Variants in CLVS1 observed in about 807,000 individuals in gnomAD.
CLVS1 encodes the protein clavesin-1.
In CLVS1, 10 loss-of-function variants were observed where a neutral mutation model predicts 33.1. That is an observed-to-expected ratio of 0.30 (90% CI 0.19 to 0.51). CLVS1 has a LOEUF of 0.51. Ranked by LOEUF, CLVS1 falls within the 20% of genes least tolerant of loss-of-function variation. CLVS1 has a pLI of 0.97. For missense variants in CLVS1, 343 were observed against 433.4 expected (o/e 0.79, Z 1.85); for synonymous variants, 163 against 166.1 (o/e 0.98, Z 0.14).
At chr8:60,975,011 G>A in the CLVS1 span, among the ~76,000 whole-genome samples, 1 of 152,078 alleles carries the variant, frequency 6.6e-6, no homozygotes, top group African/African-American at 2.4e-5. Context: ...TTTGAGAAAA[G>A]CTCCCTCGAT....
chr8:61,164,895 G>A (rs1225527369), intron 2 of CLVS1, among the ~76,000 whole-genome samples: 3 of 152,206 alleles, frequency 2.0e-5, no homozygotes, highest in South Asian at 4.2e-4. Flanking sequence ...CCAGTCATTG[G>A]AGCCATATTA....
rs141923088 is a variant in CLVS1 at position 61,213,998 on chromosome 8, G to A, written c.-152+82138G>A. ...ATGCCCCCCCACTCAAGGTGTGCCC[G>A]TCTCTTATGGTTGAGACTGCAGGGG... is the stretch of plus-strand genomic sequence containing the variant. On this transcript the variant is annotated intron_variant, in intron 2 of 2. Coordinates refer to the CLVS1 transcript ENST00000522621. Among the ~76,000 whole-genome samples, 531 of 152,240 alleles carry A rather than the reference G, an allele frequency of 3.5e-3. 1 individual carries two copies. The highest frequency in any genetic ancestry group is 0.011 in the African/African-American group (474 of 41,552).
intron 1 of CLVS1, among the ~76,000 whole-genome samples, chr8:61,092,936 C>T (rs138263706): frequency 6.6e-6 from 1 of 152,108 alleles, no homozygotes; most frequent in Non-Finnish European, 1.5e-5. Flanking sequence ...GGGATTATGG[C>T]CATGGATAGA....
rs960171651 is a variant in CLVS1 at position 61,191,114 on chromosome 8, C to T, written c.-152+59254C>T. Among the ~76,000 whole-genome samples, 8 of 152,232 alleles carry T rather than the reference C, an allele frequency of 5.3e-5. No individual in the cohort carries two copies. The East Asian group carries it at 1.5e-3, about 29-fold the overall frequency. On this transcript the variant is annotated intron_variant, in intron 2 of 2. Transcript: ENST00000522621. ...CCAATATCCCTGATGAACATCGATG[C>T]AAAAATCCTCAATAAAATACCGGAA...
chr8:61,420,953 A>C (rs188306703), intron 3 of CLVS1, among the ~76,000 whole-genome samples: 60 of 152,320 alleles, frequency 3.9e-4, no homozygotes, highest in South Asian at 8.3e-4. Flanking sequence ...CCTGGGCAAC[A>C]AGAATGAAAG....
chr8:61,090,993 C>T (rs1486597079), intron 1 of CLVS1: 2 of 486,402 alleles, frequency 4.1e-6, no homozygotes, highest in Middle Eastern at 6.7e-4. Flanking sequence ...CCCATGCCCC[C>T]CCACCAATAC....
chr8:61,339,384 G>T (rs1360121237), intron 2 of CLVS1, among the ~76,000 whole-genome samples: 1 of 152,118 alleles, frequency 6.6e-6, no homozygotes, highest in Non-Finnish European at 1.5e-5. Flanking sequence ...TGCTTAAGGT[G>T]GGAGAGATCT....
chr8:61,116,982 A>G (rs1427107828), intron 1 of CLVS1, among the ~76,000 whole-genome samples: 4 of 144,528 alleles, frequency 2.8e-5, no homozygotes, highest in African/African-American at 1.1e-4. Context: ...TTTTCACAAT[A>G]TTGATTCTTC....
chr8:61,321,320 C>T (rs1394845677), intron 2 of CLVS1, among the ~76,000 whole-genome samples: 1 of 151,982 alleles, frequency 6.6e-6, no homozygotes, highest in African/African-American at 2.4e-5. Context: ...TGCTAGCTTG[C>T]CTCCCAGCAC....
chr8:61,064,622 C>T (rs1804642665), intron 1 of CLVS1, among the ~76,000 whole-genome samples: 2 of 150,992 alleles, frequency 1.3e-5, no homozygotes, highest in African/African-American at 4.9e-5. Context: ...CTCACTGCAA[C>T]CTCTGCCCTG....
intron 3 of CLVS1, among the ~76,000 whole-genome samples, chr8:61,430,726 G>A (rs1480711879): frequency 6.6e-6 from 1 of 152,148 alleles, no homozygotes; most frequent in Non-Finnish European, 1.5e-5. Context: ...GTGCCAATGT[G>A]TTATGCTGTG....
chr8:61,469,513 C>T (rs970917908), intron 5 of CLVS1, among the ~76,000 whole-genome samples: 1 of 152,114 alleles, frequency 6.6e-6, no homozygotes, highest in African/African-American at 2.4e-5. Context: ...CCCACTTGGC[C>T]CCTGCCTGGG....
chr8:61,486,232 A>G (rs1314582652), intron 5 of CLVS1, among the ~76,000 whole-genome samples: 2 of 152,210 alleles, frequency 1.3e-5, no homozygotes, highest in Non-Finnish European at 2.9e-5. Context: ...GACAGGTGGC[A>G]TGTTTGCTTT....
intron 3 of CLVS1, among the ~76,000 whole-genome samples, chr8:61,426,405 CCAA>C (rs1203485750): frequency 4.6e-5 from 7 of 152,130 alleles, no homozygotes; most frequent in Admixed American, 2.0e-4. Flanking sequence ...TCTTATTTTC[CCAA>C]ATAGATAGCT....
intron 2 of CLVS1, among the ~76,000 whole-genome samples, chr8:61,210,213 A>G (rs1211319567): frequency 6.6e-6 from 1 of 152,220 alleles, no homozygotes; most frequent in East Asian, 1.9e-4. Context: ...GCTTGCCCTA[A>G]TGACTGGGTT....
At chr8:61,229,932 G>C in intron 2 of CLVS1, among the ~76,000 whole-genome samples, 1 of 152,192 alleles carries the variant, frequency 6.6e-6, no homozygotes, top group Non-Finnish European at 1.5e-5. Flanking sequence ...AGCTGAGCCA[G>C]GCACATTTCT....
chr8:61,292,967 T>C (rs956485373), intron 1 of CLVS1, among the ~76,000 whole-genome samples: 5 of 152,200 alleles, frequency 3.3e-5, no homozygotes, highest in African/African-American at 1.2e-4. Flanking sequence ...GGCATCTATT[T>C]TGGTTACAAA....
chr8:61,219,156 ATTCTTT>A (rs1808156478), intron 2 of CLVS1, among the ~76,000 whole-genome samples: 1 of 152,036 alleles, frequency 6.6e-6, no homozygotes, highest in African/African-American at 2.4e-5. Context: ...GGTCTTATTA[ATTCTTT>A]TTCTTTTTTC....
chr8:61,037,349 G>T, the CLVS1 span, among the ~76,000 whole-genome samples: 1 of 151,954 alleles, frequency 6.6e-6, no homozygotes, highest in Non-Finnish European at 1.5e-5. Context: ...CAATTTGACC[G>T]CTCCAGGTAC....
Sources: allele counts gnomAD v4.1 joint callset (sites outside exome capture counted in the v4.1 genomes callset), GRCh38; gene constraint gnomAD v4.1.1; transcripts MANE v1.5; gene names NCBI Gene and HGNC (gene_info 2026-07-23, HGNC 2026-07-21).